Variants in CACNA2D3 observed in about 807,000 individuals in gnomAD.
CACNA2D3 encodes calcium voltage-gated channel auxiliary subunit alpha2delta 3, also known as voltage-dependent calcium channel subunit alpha-2/delta-3.
In CACNA2D3, 60 loss-of-function variants were observed where a neutral mutation model predicts 160.6. The ratio of observed to expected loss-of-function variants is 0.37; its 90% CI spans 0.30 to 0.46. The LOEUF (loss-of-function observed/expected upper bound fraction) is 0.46, where lower values mean the gene tolerates loss of function less well. CACNA2D3 is among the 20% of genes least tolerant of loss of function. CACNA2D3 has a pLI of 1.00. For missense variants in CACNA2D3, 1,205 were observed against 1,365.0 expected, an observed-to-expected ratio of 0.88 and a Z score of 1.85; for synonymous variants, 558 against 492.9, an observed-to-expected ratio of 1.13 and a Z score of -1.75.
chr3:54,129,022 T>C (rs145366045), intron 2 of CACNA2D3, among the ~76,000 whole-genome samples: 11 of 152,324 alleles, frequency 7.2e-5, no homozygotes, highest in Non-Finnish European at 1.3e-4. Flanking sequence ...TCAGCCCTCT[T>C]TGGTCCATTA....
intron 5 of CACNA2D3, among the ~76,000 whole-genome samples, chr3:54,504,493 A>G (rs1321840223): frequency 6.6e-6 from 1 of 152,156 alleles, no homozygotes; most frequent in Non-Finnish European, 1.5e-5. Flanking sequence ...AAATGGAATG[A>G]TGTTTATAAA....
At chr3:54,827,896 T>C (rs1028370904) in intron 14 of CACNA2D3, among the ~76,000 whole-genome samples, 1 of 152,208 alleles carries the variant, frequency 6.6e-6, no homozygotes. Context: ...GAGGAATCTT[T>C]CCCAGCTTCT....
intron 5 of CACNA2D3, among the ~76,000 whole-genome samples, chr3:54,514,940 G>A (rs901969444): frequency 3.3e-5 from 5 of 152,140 alleles, no homozygotes; most frequent in South Asian, 2.1e-4. Context: ...CAAGGAATAC[G>A]AATTTCTACT....
At chr3:54,513,453 A>G (rs999735718) in intron 5 of CACNA2D3, among the ~76,000 whole-genome samples, 4 of 152,064 alleles carry the variant, frequency 2.6e-5, no homozygotes, top group Non-Finnish European at 5.9e-5. Flanking sequence ...TCCTACCCCA[A>G]CTCACTGAAG....
chr3:54,479,289 C>T (rs1282026563), intron 4 of CACNA2D3, among the ~76,000 whole-genome samples: 1 of 152,170 alleles, frequency 6.6e-6, no homozygotes, highest in Non-Finnish European at 1.5e-5. Flanking sequence ...AATTAAACCT[C>T]TTTCCTTTAT....
chr3:54,430,908 A>G (rs1276450744), intron 4 of CACNA2D3, among the ~76,000 whole-genome samples: 1 of 152,200 alleles, frequency 6.6e-6, no homozygotes, highest in Non-Finnish European at 1.5e-5. Flanking sequence ...CAAAAACTTA[A>G]CTACTACTAG....
intron 2 of CACNA2D3, among the ~76,000 whole-genome samples, chr3:54,269,343 T>TTCC (rs1472094113): frequency 6.6e-6 from 1 of 151,982 alleles, no homozygotes; most frequent in Non-Finnish European, 1.5e-5. Flanking sequence ...TTGCAGCCTT[T>TTCC]TCCTAATTTC....
intron 2 of CACNA2D3, among the ~76,000 whole-genome samples, chr3:54,242,854 G>A (rs1701998799): frequency 6.6e-6 from 1 of 152,214 alleles, no homozygotes; most frequent in Non-Finnish European, 1.5e-5. Context: ...AGCAAGTCTT[G>A]GAACATGGTC....
intron 2 of CACNA2D3, among the ~76,000 whole-genome samples, chr3:54,318,006 T>A (rs1305001986): frequency 6.6e-6 from 1 of 152,114 alleles, no homozygotes; most frequent in Non-Finnish European, 1.5e-5. Context: ...TACATGAACT[T>A]TGGGGGACAC....
chr3:54,736,140 TACACACACACACACACACACACAC>T (rs1215376036), intron 11 of CACNA2D3, among the ~76,000 whole-genome samples: 3 of 80,618 alleles, frequency 3.7e-5, no homozygotes, highest in South Asian at 4.2e-4. Context: ...TGTATATATA[TACACACACACACACACACACACAC>T]AGACACACAT....
At chr3:55,050,042 C>A (rs1704157080) in intron 35 of CACNA2D3, among the ~76,000 whole-genome samples, 1 of 151,350 alleles carries the variant, frequency 6.6e-6, no homozygotes, top group Non-Finnish European at 1.5e-5. Flanking sequence ...ACTGATGGGT[C>A]TTGACTCTTT....
chr3:54,510,421 C>T (rs1017437235), intron 5 of CACNA2D3, among the ~76,000 whole-genome samples: 5 of 152,176 alleles, frequency 3.3e-5, no homozygotes, highest in African/African-American at 1.2e-4. Context: ...AGCCTCTGTT[C>T]TAGAGTCAGG....
intron 3 of CACNA2D3, among the ~76,000 whole-genome samples, chr3:54,376,530 A>G (rs571317108): frequency 6.6e-6 from 1 of 152,174 alleles, no homozygotes; most frequent in Non-Finnish European, 1.5e-5. Flanking sequence ...TAGGTCAGGC[A>G]GTGTGAAGCT....
intron 5 of CACNA2D3, among the ~76,000 whole-genome samples, chr3:54,535,129 A>T (rs1701868431): frequency 6.6e-6 from 1 of 152,200 alleles, no homozygotes; most frequent in African/African-American, 2.4e-5. Flanking sequence ...AGCCTGGAAC[A>T]GTGGCTCACA....
intron 4 of CACNA2D3, among the ~76,000 whole-genome samples, chr3:54,493,619 C>G (rs951509481): frequency 6.6e-6 from 1 of 152,174 alleles, no homozygotes; most frequent in Non-Finnish European, 1.5e-5. Context: ...TATCTTGGCA[C>G]GTCCTAATCC....
intron 11 of CACNA2D3, among the ~76,000 whole-genome samples, chr3:54,703,382 C>G (rs1483104317): frequency 6.6e-6 from 1 of 152,082 alleles, no homozygotes; most frequent in Non-Finnish European, 1.5e-5. Flanking sequence ...AGGCCTAATC[C>G]TACTCAAACA....
At chr3:54,424,334 G>A (rs1170215273) in intron 4 of CACNA2D3, among the ~76,000 whole-genome samples, 4 of 152,256 alleles carry the variant, frequency 2.6e-5, no homozygotes, top group Non-Finnish European at 4.4e-5. Context: ...TCCATGAAAA[G>A]CAAAAAGTGC....
At chr3:54,647,254 A>G (rs1022785619) in intron 11 of CACNA2D3, among the ~76,000 whole-genome samples, 2 of 152,240 alleles carry the variant, frequency 1.3e-5, no homozygotes, top group African/African-American at 2.4e-5. Context: ...TTAAGCCACT[A>G]CATTTATGAT....
chr3:55,013,539 A>G (rs1703256911), intron 34 of CACNA2D3, among the ~76,000 whole-genome samples: 1 of 152,198 alleles, frequency 6.6e-6, no homozygotes, highest in Non-Finnish European at 1.5e-5. Flanking sequence ...ACCATATGCT[A>G]TTGGCTTGCA....
Sources: gnomAD v4.1 joint callset for allele counts (sites outside exome capture counted in the v4.1 genomes callset) on GRCh38, gnomAD v4.1.1 for gene constraint, MANE v1.5 for transcripts, NCBI Gene and HGNC (gene_info 2026-07-23, HGNC 2026-07-21) for gene names.